AGBL4: variants seen among roughly 807,000 people sequenced by gnomAD.
AGBL4 encodes the protein cytosolic carboxypeptidase 6.
AGBL4 carries 58 observed loss-of-function variants against 66.4 expected under a neutral mutation model. The ratio of observed to expected loss-of-function variants is 0.87; its 90% CI spans 0.71 to 1.09. The LOEUF is 1.09. Ranked by LOEUF, AGBL4 falls within the 50% of genes least tolerant of loss-of-function variation. The probability of loss-of-function intolerance (pLI) is 0.00; values close to 1 mark genes in which losing one functional copy is unlikely to be tolerated. For missense variants in AGBL4, 579 were observed against 631.0 expected, an observed-to-expected ratio of 0.92 and a Z score of 0.88; for synonymous variants, 234 against 222.9, an observed-to-expected ratio of 1.05 and a Z score of -0.44.
intron 6 of AGBL4, among the ~76,000 whole-genome samples, chr1:48,732,437 T>G (rs752640244): frequency 1.7e-4 from 26 of 152,188 alleles, no homozygotes; most frequent in Non-Finnish European, 3.5e-4. Flanking sequence ...CTCATAAAGT[T>G]TAATTCTAAT....
At chr1:49,084,872 G>A (rs1644876487) in intron 4 of AGBL4, among the ~76,000 whole-genome samples, 1 of 152,184 alleles carries the variant, frequency 6.6e-6, no homozygotes, top group South Asian at 2.1e-4. Flanking sequence ...CAGCAATTAA[G>A]TGATGGGTCT....
intron 6 of AGBL4, chr1:48,759,380 A>G (rs1644133325): frequency 6.8e-7 from 1 of 1,469,128 alleles, no homozygotes; most frequent in Non-Finnish European, 9.0e-7. Context: ...AAATCACAGA[A>G]TCACAGAACA....
chr1:48,534,306 A>G lies in AGBL4; in HGVS notation c.1392-13T>C, dbSNP rs774721958. On this transcript the variant is annotated splice_polypyrimidine_tract_variant and intron_variant, in intron 13 of 13. Transcript: ENST00000371839. ...GGATTTTTCTTTCCTGCAAAGGGGG[A>G]GATAACAGAAAGAGAGAAGACAGCC... The G allele has an allele frequency of 7.1e-6, 11 of 1,546,512 alleles. No individual in the cohort carries two copies. The highest frequency in any genetic ancestry group is 2.4e-5 in the East Asian group (1 of 40,892).
chr1:49,947,739 G>A (rs1655350620), intron 1 of AGBL4, among the ~76,000 whole-genome samples: 1 of 150,532 alleles, frequency 6.6e-6, no homozygotes, highest in African/African-American at 2.4e-5. Flanking sequence ...AATCGGTAAA[G>A]AGGAAGTCAA....
At chr1:49,096,781 T>A (rs1351236487) in intron 4 of AGBL4, among the ~76,000 whole-genome samples, 1 of 151,608 alleles carries the variant, frequency 6.6e-6, no homozygotes, top group Non-Finnish European at 1.5e-5. Flanking sequence ...ATGGCACATG[T>A]ATACATATGT....
intron 2 of AGBL4, among the ~76,000 whole-genome samples, chr1:49,793,983 G>T (rs1444320518): frequency 6.6e-6 from 1 of 151,914 alleles, no homozygotes; most frequent in Non-Finnish European, 1.5e-5. Flanking sequence ...ATCAATTATC[G>T]TGAGGATAGA....
chr1:48,800,800 G>A (rs895617917), intron 6 of AGBL4, among the ~76,000 whole-genome samples: 2 of 152,270 alleles, frequency 1.3e-5, no homozygotes, highest in East Asian at 1.9e-4. Flanking sequence ...GAAGGGGGAC[G>A]TAAGCTTGCC....
chr1:49,893,659 T>A (rs1408395050), intron 1 of AGBL4, among the ~76,000 whole-genome samples: 1 of 152,004 alleles, frequency 6.6e-6, no homozygotes, highest in Non-Finnish European at 1.5e-5. Flanking sequence ...GAGGAAAACA[T>A]GGGAAGGACT....
At chr1:48,953,459 G>A (rs558493172) in intron 5 of AGBL4, among the ~76,000 whole-genome samples, 11 of 152,282 alleles carry the variant, frequency 7.2e-5, no homozygotes, top group East Asian at 3.9e-4. Context: ...TCTGATTGAC[G>A]GGGCTTAGGT....
At chr1:49,880,908 G>A (rs968916295) in intron 1 of AGBL4, among the ~76,000 whole-genome samples, 1 of 152,212 alleles carries the variant, frequency 6.6e-6, no homozygotes, top group East Asian at 1.9e-4. Context: ...ATTCGGGTGG[G>A]AGTGACCCGA....
chr1:48,653,884 C>G (rs926527626), intron 7 of AGBL4, among the ~76,000 whole-genome samples: 4 of 152,170 alleles, frequency 2.6e-5, no homozygotes, highest in African/African-American at 9.7e-5. Context: ...ATCACAGGGT[C>G]AAGGCCTTAG....
At chr1:48,590,781 G>A (rs2148347466) in intron 10 of AGBL4, 52 bp downstream of exon 10, 1 of 1,533,878 alleles carries the variant, frequency 6.5e-7, no homozygotes, top group Non-Finnish European at 8.8e-7. Context: ...AGGAAGACGG[G>A]GAGGCAGGGT....
Position 49,398,580 on chromosome 1 carries a change from C to T in AGBL4, c.283-152716G>A, listed in dbSNP as rs540926141. Among the ~76,000 whole-genome samples the T allele has an allele frequency of 5.3e-5, 8 of 152,228 alleles. No individual in the cohort carries two copies. The East Asian group carries it at 1.5e-3, about 29-fold the overall frequency. On this transcript the variant is annotated intron_variant, in intron 3 of 13. Coordinates refer to ENST00000371839, the MANE Select transcript of AGBL4 (RefSeq NM_032785.4). ...TCTCCTCTTATATATTTATACATAT[C>T]CTACTGGTTGTGTTTCTCAGGAGAA... is the stretch of plus-strand genomic sequence containing the variant.
intron 3 of AGBL4, among the ~76,000 whole-genome samples, chr1:49,541,496 G>A (rs1055142560): frequency 1.3e-5 from 2 of 152,226 alleles, no homozygotes; most frequent in African/African-American, 4.8e-5. Flanking sequence ...TGTGGAGGGT[G>A]CACCAGGTCC....
At chr1:48,710,914 C>T (rs543394396) in intron 6 of AGBL4, among the ~76,000 whole-genome samples, 9 of 150,026 alleles carry the variant, frequency 6.0e-5, no homozygotes, top group Admixed American at 2.0e-4. Flanking sequence ...TCTGCACATC[C>T]GTTAAGATCC....
chr1:48,938,973 C>T (rs1354625321), intron 5 of AGBL4, among the ~76,000 whole-genome samples: 2 of 152,174 alleles, frequency 1.3e-5, no homozygotes, highest in Non-Finnish European at 2.9e-5. Flanking sequence ...AGTGGAGGAG[C>T]GACTAGTATC....
intron 6 of AGBL4, among the ~76,000 whole-genome samples, chr1:48,699,584 C>T (rs868015146): frequency 6.6e-6 from 1 of 152,136 alleles, no homozygotes; most frequent in Admixed American, 6.5e-5. Flanking sequence ...ACCTTCTTCC[C>T]CAATCCAACA....
At chr1:49,576,543 T>C (rs938947496) in intron 3 of AGBL4, among the ~76,000 whole-genome samples, 3 of 152,228 alleles carry the variant, frequency 2.0e-5, no homozygotes, top group African/African-American at 7.2e-5. Flanking sequence ...AACTGAAAGT[T>C]TGACTATGGG....
chr1:48,907,217 G>C (rs1652683400), intron 5 of AGBL4, among the ~76,000 whole-genome samples: 1 of 152,154 alleles, frequency 6.6e-6, no homozygotes, highest in Non-Finnish European at 1.5e-5. Context: ...AATTTTAAGT[G>C]AGAATTAGAG....
Sources: allele counts gnomAD v4.1 joint callset (sites outside exome capture counted in the v4.1 genomes callset), GRCh38; gene constraint gnomAD v4.1.1; transcripts MANE v1.5; gene names NCBI Gene and HGNC (gene_info 2026-07-23, HGNC 2026-07-21).